TPD52: variants seen among roughly 807,000 people sequenced by gnomAD.
The protein encoded by TPD52 is prostate and colon associated protein.
In TPD52, 17 loss-of-function variants were observed where a neutral mutation model predicts 31.3. The ratio of observed to expected loss-of-function variants is 0.54; its 90% CI spans 0.37 to 0.82. TPD52 has a LOEUF of 0.82. TPD52 is among the 40% of genes least tolerant of loss of function. The pLI, the probability that TPD52 is intolerant of heterozygous loss-of-function variation, is 0.00. For missense variants in TPD52, 212 were observed against 240.1 expected, an observed-to-expected ratio of 0.88 and a Z score of 0.77; for synonymous variants, 83 against 89.6, an observed-to-expected ratio of 0.93 and a Z score of 0.42.
chr8:80,114,488 C>T lies in TPD52; in HGVS notation c.20-49895G>A, dbSNP rs182556791. 3.6e-3 allele frequency among the ~76,000 whole-genome samples: 554 copies of T among 152,222 alleles called. 2 individuals carry two copies. Among genetic ancestry groups the T allele is most frequent in the Middle Eastern group, 6.8e-3 (2 of 294 alleles). ...AAAATGCCTAGAACAGTGCCTGACACACATAAATATTTGTTGCATTAATTA... is the reference window on the plus strand; with the variant it reads ...AAAATGCCTAGAACAGTGCCTGACATACATAAATATTTGTTGCATTAATTA... On this transcript the variant is annotated intron_variant, in intron 1 of 7. Transcript: ENST00000518937.
chr8:80,087,005 T>A (rs1244095030), intron 1 of TPD52, among the ~76,000 whole-genome samples: 1 of 151,334 alleles, frequency 6.6e-6, no homozygotes, highest in Non-Finnish European at 1.5e-5. Flanking sequence ...CGCCATGATA[T>A]ATGCAACTTC....
intron 1 of TPD52, among the ~76,000 whole-genome samples, chr8:80,075,159 T>C (rs1346038639): frequency 6.6e-6 from 1 of 152,056 alleles, no homozygotes; most frequent in Admixed American, 6.5e-5. Flanking sequence ...TTTCGTATTT[T>C]AGTAGAGACA....
At chr8:80,167,185 C>T (rs1259188846) in intron 1 of TPD52, among the ~76,000 whole-genome samples, 1 of 152,130 alleles carries the variant, frequency 6.6e-6, no homozygotes, top group Non-Finnish European at 1.5e-5. Flanking sequence ...GGTTTCAGTA[C>T]AGCTGGTACC....
intron 1 of TPD52, chr8:80,080,591 T>C: frequency 3.6e-6 from 5 of 1,393,620 alleles, no homozygotes; most frequent in Non-Finnish European, 4.6e-6. Flanking sequence ...CCCTGGCTTC[T>C]GGGCCCAGGT....
intron 1 of TPD52, among the ~76,000 whole-genome samples, chr8:80,091,963 C>T (rs1816308414): frequency 6.6e-6 from 1 of 152,196 alleles, no homozygotes; most frequent in Admixed American, 6.5e-5. Flanking sequence ...CACTTTCTAA[C>T]TATATACATT....
chr8:80,103,397 TATA>T (rs1806884718), intron 1 of TPD52, among the ~76,000 whole-genome samples: 1 of 152,264 alleles, frequency 6.6e-6, no homozygotes, highest in Non-Finnish European at 1.5e-5. Context: ...GCAAATACTT[TATA>T]AAAGTTTCCC....
At chr8:80,044,060 T>G in intron 6 of TPD52, 107 bp downstream of exon 6, 1 of 953,732 alleles carries the variant, frequency 1.0e-6, no homozygotes, top group East Asian at 2.8e-5. Context: ...ACACAGCTTG[T>G]TTCAAGGGGA....
At chr8:80,044,633 GCT>G (rs1255302230) in intron 5 of TPD52, among the ~76,000 whole-genome samples, 2 of 151,708 alleles carry the variant, frequency 1.3e-5, no homozygotes, top group African/African-American at 4.9e-5. Flanking sequence ...CCAGGGAAGG[GCT>G]CTTAGTAAGA....
chr8:80,075,354 G>A (rs1188906220), intron 1 of TPD52, among the ~76,000 whole-genome samples: 2 of 152,180 alleles, frequency 1.3e-5, no homozygotes, highest in Non-Finnish European at 2.9e-5. Flanking sequence ...GGAAAGGAGC[G>A]CTTGGGAGCC....
Position 80,037,308 on chromosome 8 carries a change from T to C in TPD52, c.*808A>G, listed in dbSNP as rs1010030943. ...AACTGAACATTGATGACAGTGTTCA[T>C]AGTTCAACCTACTGAACATACAGTG... On this transcript the variant is annotated 3_prime_UTR_variant, in exon 8 of 8. Transcript: ENST00000518937. The C allele has an allele frequency of 2.6e-5, 4 of 152,392 alleles. No individual in the cohort carries two copies. The highest frequency in any genetic ancestry group is 6.5e-5 in the Admixed American group (1 of 15,292). 9.4% of individuals were successfully genotyped at this position (152,392 alleles called of 1,614,324 possible).
intron 1 of TPD52, among the ~76,000 whole-genome samples, chr8:80,094,428 T>TTATATATATATATATATATATATA (rs1816526962): frequency 1.4e-5 from 1 of 69,112 alleles, no homozygotes; most frequent in African/African-American, 4.3e-5. Context: ...CAAAAGAAAA[T>TTATATATATATATATATATATATA]TTTATATATA....
At chr8:80,084,007 A>G (rs548249166) in intron 1 of TPD52, among the ~76,000 whole-genome samples, 1 of 152,330 alleles carries the variant, frequency 6.6e-6, no homozygotes, top group East Asian at 1.9e-4. Context: ...ACGAAGAGCT[A>G]TCTACCAACC....
intron 1 of TPD52, among the ~76,000 whole-genome samples, chr8:80,120,202 A>G (rs78345225): frequency 2.0e-5 from 3 of 152,202 alleles, no homozygotes; most frequent in African/African-American, 7.2e-5. Context: ...CTAAAAAAAA[A>G]TAATAGGCTG....
chr8:80,159,156 C>G (rs1444396709), intron 1 of TPD52, among the ~76,000 whole-genome samples: 1 of 152,056 alleles, frequency 6.6e-6, no homozygotes, highest in Non-Finnish European at 1.5e-5. Flanking sequence ...CTATTGAGCA[C>G]CAGTACTAGT....
At chr8:80,042,110 C>T (rs1256295636) in intron 7 of TPD52, 12 of 870,836 alleles carry the variant, frequency 1.4e-5, no homozygotes, top group Admixed American at 6.2e-5. Flanking sequence ...AAGTAATATA[C>T]AAGCAGCCAT....
chr8:80,080,486 T>G (rs753691644), intron 1 of TPD52: 2 of 1,610,506 alleles, frequency 1.2e-6, no homozygotes. Context: ...GGCTGTCTAA[T>G]CGCCTGATAT....
At chr8:80,166,345 G>A (rs1464651884) in intron 1 of TPD52, among the ~76,000 whole-genome samples, 2 of 151,706 alleles carry the variant, frequency 1.3e-5, no homozygotes, top group African/African-American at 2.4e-5. Flanking sequence ...CGATTCTCCC[G>A]CCTCAGCTTC....
intron 1 of TPD52, among the ~76,000 whole-genome samples, chr8:80,143,676 A>G (rs1809996040): frequency 6.6e-6 from 1 of 152,214 alleles, no homozygotes; most frequent in African/African-American, 2.4e-5. Context: ...AAAGCGACCA[A>G]CTGATCAATC....
At chr8:80,132,980 A>G (rs569314049) in intron 1 of TPD52, among the ~76,000 whole-genome samples, 18 of 152,318 alleles carry the variant, frequency 1.2e-4, no homozygotes, top group African/African-American at 4.1e-4. Flanking sequence ...GTTCTCTATC[A>G]GTTCAGCCAG....
Sources: allele counts gnomAD v4.1 joint callset (sites outside exome capture counted in the v4.1 genomes callset), GRCh38; gene constraint gnomAD v4.1.1; transcripts MANE v1.5; gene names NCBI Gene and HGNC (gene_info 2026-07-23, HGNC 2026-07-21).